Variants in ATRNL1 observed in about 807,000 individuals in gnomAD.
ATRNL1 encodes the protein attractin-like protein 1.
In ATRNL1, 95 loss-of-function variants were observed where a neutral mutation model predicts 182.7. The observed-to-expected ratio is 0.52, with a 90% CI of 0.44 to 0.62. The LOEUF (loss-of-function observed/expected upper bound fraction) is 0.62. Ranked by LOEUF, ATRNL1 falls within the 20% of genes least tolerant of loss-of-function variation. The probability of loss-of-function intolerance (pLI) is 0.00; values close to 1 mark genes in which losing one functional copy is unlikely to be tolerated. For missense variants in ATRNL1, 1,471 were observed against 1,679.5 expected (o/e 0.88, Z 2.17); for synonymous variants, 576 against 568.3 (o/e 1.01, Z -0.19).
chr10:115,899,724 C>T (rs1240296390), intron 28 of ATRNL1, among the ~76,000 whole-genome samples: 7 of 152,172 alleles, frequency 4.6e-5, no homozygotes, highest in African/African-American at 7.2e-5. Context: ...TGTCTTGAGA[C>T]GCTGGACTTG....
intron 21 of ATRNL1, among the ~76,000 whole-genome samples, chr10:115,431,142 C>T (rs1846141228): frequency 6.6e-6 from 1 of 152,112 alleles, no homozygotes; most frequent in African/African-American, 2.4e-5. Context: ...CACAGTGGCT[C>T]ACGCCTGTAA....
At chr10:115,841,403 ATG>A (rs1950805849) in intron 27 of ATRNL1, among the ~76,000 whole-genome samples, 1 of 152,082 alleles carries the variant, frequency 6.6e-6, no homozygotes, top group African/African-American at 2.4e-5. Flanking sequence ...GTTTGTGTAC[ATG>A]TGTGTGTTTA....
At chr10:115,503,317 C>T (rs1011484187) in intron 24 of ATRNL1, among the ~76,000 whole-genome samples, 1 of 151,778 alleles carries the variant, frequency 6.6e-6, no homozygotes, top group Admixed American at 6.6e-5. Flanking sequence ...GCACTGTACA[C>T]AATATTATGA....
chr10:115,754,858 G>A (rs1187164062), intron 27 of ATRNL1, among the ~76,000 whole-genome samples: 3 of 152,094 alleles, frequency 2.0e-5, no homozygotes, highest in Non-Finnish European at 2.9e-5. Context: ...GCAGTGGTTT[G>A]TCATTCTCCT....
At chr10:115,399,645 G>T (rs661503) in intron 20 of ATRNL1, among the ~76,000 whole-genome samples, 57,856 of 151,400 alleles carry the variant, frequency 0.38, 12,201 homozygotes, top group African/African-American at 0.57. Context: ...TTTATCTTTT[G>T]TGTGTGTGTG....
At chr10:115,239,136 T>A (rs1850303526) in intron 9 of ATRNL1, among the ~76,000 whole-genome samples, 1 of 152,218 alleles carries the variant, frequency 6.6e-6, no homozygotes, top group South Asian at 2.1e-4. Context: ...TAGAGAATAT[T>A]TTGTTCCTTG....
At chr10:115,330,189 G>A (rs76840227) in intron 18 of ATRNL1, among the ~76,000 whole-genome samples, 6,689 of 152,030 alleles carry the variant, frequency 0.044, 495 homozygotes, top group African/African-American at 0.15. Context: ...TCTACATTTT[G>A]CATTTTTGAT....
intron 26 of ATRNL1, among the ~76,000 whole-genome samples, chr10:115,587,516 G>T (rs1413787476): frequency 1.3e-5 from 2 of 151,276 alleles, no homozygotes; most frequent in Admixed American, 1.3e-4. Context: ...GGAGTGACCC[G>T]ATTTTCCAGG....
At position 115,693,666 on chromosome 10, in the gene ATRNL1, A is replaced by G. The variant is rs560930068; in HGVS notation, c.3796-33582A>G. On this transcript the variant is annotated intron_variant, in intron 26 of 28. Coordinates refer to ENST00000355044, the MANE Select transcript of ATRNL1 (RefSeq NM_207303.4). ...ACAACTAGGCTATACGGTATGGCCT[A>G]TTGCTCTCGGGCTACAAACCTGTGT... Among the ~76,000 whole-genome samples, 103 of 152,256 alleles carry G rather than the reference A, an allele frequency of 6.8e-4. No homozygotes were observed. The Middle Eastern group carries it at 0.01, about 15-fold the overall frequency.
intron 18 of ATRNL1, among the ~76,000 whole-genome samples, chr10:115,333,628 G>C (rs1592469856): frequency 6.6e-6 from 1 of 151,874 alleles, no homozygotes; most frequent in Non-Finnish European, 1.5e-5. Context: ...AAGATTACAG[G>C]CATGCACCAC....
intron 26 of ATRNL1, among the ~76,000 whole-genome samples, chr10:115,588,517 T>G (rs192722038): frequency 7.5e-4 from 115 of 152,348 alleles, no homozygotes; most frequent in Non-Finnish European, 9.3e-4. Context: ...TTCTTTCTGC[T>G]TTCAAAGCTA....
At chr10:115,835,508 C>G (rs1555095121) in intron 27 of ATRNL1, among the ~76,000 whole-genome samples, 1 of 152,134 alleles carries the variant, frequency 6.6e-6, no homozygotes, top group African/African-American at 2.4e-5. Context: ...GAAGAGCAAG[C>G]ACTCATATGG....
At chr10:115,641,112 T>C (rs150008966) in intron 26 of ATRNL1, among the ~76,000 whole-genome samples, 2 of 152,258 alleles carry the variant, frequency 1.3e-5, no homozygotes, top group East Asian at 3.9e-4. Flanking sequence ...ATCTGGAAGA[T>C]GAGCCAATGC....
intron 19 of ATRNL1, among the ~76,000 whole-genome samples, chr10:115,361,673 C>G (rs1252177304): frequency 1.3e-5 from 2 of 151,864 alleles, no homozygotes; most frequent in Non-Finnish European, 2.9e-5. Flanking sequence ...GGATTTGGAC[C>G]CCATATCATA....
chr10:115,640,180 G>A (rs1859147793), intron 26 of ATRNL1, among the ~76,000 whole-genome samples: 1 of 152,168 alleles, frequency 6.6e-6, no homozygotes, highest in African/African-American at 2.4e-5. Context: ...TATCACTGAT[G>A]GGCATTTGGG....
intron 26 of ATRNL1, among the ~76,000 whole-genome samples, chr10:115,632,820 A>G (rs1181414536): frequency 4.7e-5 from 7 of 150,198 alleles, no homozygotes; most frequent in African/African-American, 1.7e-4. Flanking sequence ...ACTTTAAAAA[A>G]TGAGTCAATA....
At chr10:115,696,686 C>T (rs1267016539) in intron 26 of ATRNL1, among the ~76,000 whole-genome samples, 1 of 152,032 alleles carries the variant, frequency 6.6e-6, no homozygotes, top group African/African-American at 2.4e-5. Flanking sequence ...ATTTTTTTGA[C>T]TTTCTAATAA....
intron 25 of ATRNL1, among the ~76,000 whole-genome samples, chr10:115,540,546 G>A (rs578248495): frequency 1.1e-4 from 17 of 152,116 alleles, no homozygotes; most frequent in Admixed American, 8.5e-4. Context: ...TGGATCACGA[G>A]GTCAGGAGTT....
intron 19 of ATRNL1, among the ~76,000 whole-genome samples, chr10:115,392,239 T>C (rs1456348526): frequency 6.6e-6 from 1 of 152,186 alleles, no homozygotes; most frequent in Non-Finnish European, 1.5e-5. Context: ...TCAGATTTTT[T>C]CTTATATAGA....
Sources: allele counts gnomAD v4.1 joint callset (sites outside exome capture counted in the v4.1 genomes callset), GRCh38; gene constraint gnomAD v4.1.1; transcripts MANE v1.5; gene names NCBI Gene and HGNC (gene_info 2026-07-23, HGNC 2026-07-21).